Variants in PLCB1 observed in about 807,000 individuals in gnomAD.
The protein encoded by PLCB1 is phospholipase C beta 1, also known as 1-phosphatidylinositol 4,5-bisphosphate phosphodiesterase beta-1.
In PLCB1, 46 loss-of-function variants were observed where a neutral mutation model predicts 161.8. That is an observed-to-expected ratio of 0.28 (90% CI 0.22 to 0.36). The LOEUF is 0.36. PLCB1 is among the 10% of genes least tolerant of loss of function. The pLI is 1.00. For missense variants in PLCB1, 1,016 were observed against 1,472.5 expected (o/e 0.69, Z 5.07); for synonymous variants, 517 against 503.7 (o/e 1.03, Z -0.35).
At chr20:8,360,880 G>GA (rs1380697760) in intron 2 of PLCB1, among the ~76,000 whole-genome samples, 3 of 151,790 alleles carry the variant, frequency 2.0e-5, no homozygotes, top group Admixed American at 6.6e-5. Context: ...ACCTTTGGCA[G>GA]AAAAAAAATT....
chr20:8,684,506 A>G (rs1020433526), intron 9 of PLCB1, among the ~76,000 whole-genome samples: 2 of 150,730 alleles, frequency 1.3e-5, no homozygotes, highest in Non-Finnish European at 3.0e-5. Flanking sequence ...CACACGCCTC[A>G]GCCTCCCAAA....
intron 3 of PLCB1, among the ~76,000 whole-genome samples, chr20:8,375,277 T>C (rs910938334): frequency 2.6e-5 from 4 of 152,180 alleles, no homozygotes; most frequent in Non-Finnish European, 4.4e-5. Flanking sequence ...CAAGATGCTG[T>C]GGTATATATA....
chr20:8,832,707 C>T (rs1366820187), intron 31 of PLCB1, among the ~76,000 whole-genome samples: 1 of 152,184 alleles, frequency 6.6e-6, no homozygotes, highest in African/African-American at 2.4e-5. Flanking sequence ...CAGGTGACTC[C>T]CTTGTCTAAA....
intron 3 of PLCB1, among the ~76,000 whole-genome samples, chr20:8,422,799 C>CA (rs997922754): frequency 1.4e-4 from 21 of 152,142 alleles, no homozygotes; most frequent in Non-Finnish European, 2.4e-4. Flanking sequence ...ATCCAGATGG[C>CA]AGAGGGGGCT....
intron 3 of PLCB1, among the ~76,000 whole-genome samples, chr20:8,435,793 C>T (rs983646574): frequency 5.3e-5 from 8 of 152,116 alleles, no homozygotes; most frequent in African/African-American, 9.7e-5. Flanking sequence ...ATCCCATTTC[C>T]GTTACCAGAT....
At position 8,765,283 on chromosome 20, in the gene PLCB1, A is replaced by G. The variant is rs1018265609; in HGVS notation, c.2855A>G (p.Tyr952Cys). The change falls in exon 26 of 32, where the codon TAT becomes TGT. Residue 952 changes from tyrosine to cysteine, a missense_variant. Physicochemically the swap from Tyr to Cys is radical, Grantham distance 194 (BLOSUM62 -2). Coordinates refer to ENST00000338037, the MANE Select transcript of PLCB1 (RefSeq NM_015192.4). ...CTTATCAAAGAACACACTACCAAGT[A>G]TAATGAAATTCAGAATGACTACTTG... The part of the protein sequence containing the change: ...TDLIKEHTTK[Y>C]NEIQNDYLRR... The G allele has an allele frequency of 6.2e-7, 1 of 1,614,186 alleles. No individual in the cohort carries two copies. The highest frequency in any genetic ancestry group is 8.5e-7 in the Non-Finnish European group (1 of 1,179,996).
intron 23 of PLCB1, among the ~76,000 whole-genome samples, chr20:8,749,965 T>TA (rs200771810): frequency 2.7e-4 from 41 of 152,080 alleles, no homozygotes; most frequent in Middle Eastern, 3.4e-3. Context: ...ATTTTTTTTT[T>TA]AAAAAAACCC....
At chr20:8,715,128 A>G (rs1180314573) in intron 12 of PLCB1, among the ~76,000 whole-genome samples, 1 of 152,232 alleles carries the variant, frequency 6.6e-6, no homozygotes. Context: ...ATGTAGAGAT[A>G]ACTATTGGAA....
At chr20:8,497,415 A>G (rs548705235) in intron 3 of PLCB1, among the ~76,000 whole-genome samples, 5 of 152,330 alleles carry the variant, frequency 3.3e-5, no homozygotes, top group Admixed American at 1.3e-4. Context: ...AACTCATAAG[A>G]TGATATTTTC....
At chr20:8,207,466 C>T (rs1481783241) in intron 2 of PLCB1, among the ~76,000 whole-genome samples, 1 of 152,036 alleles carries the variant, frequency 6.6e-6, no homozygotes, top group Admixed American at 6.6e-5. Context: ...GTGCTGGACC[C>T]AGGTGGGTAC....
At chr20:8,186,503 C>T (rs1257515647) in intron 2 of PLCB1, among the ~76,000 whole-genome samples, 1 of 151,992 alleles carries the variant, frequency 6.6e-6, no homozygotes, top group Non-Finnish European at 1.5e-5. Flanking sequence ...TGACATAAGC[C>T]TTGTAGAGAA....
At chr20:8,164,649 T>C (rs2051658128) in intron 2 of PLCB1, among the ~76,000 whole-genome samples, 1 of 152,192 alleles carries the variant, frequency 6.6e-6, no homozygotes, top group Non-Finnish European at 1.5e-5. Flanking sequence ...GAAAGAAACT[T>C]TCCTTCTTTT....
At chr20:8,677,586 G>A (rs1384784472) in intron 9 of PLCB1, among the ~76,000 whole-genome samples, 1 of 152,060 alleles carries the variant, frequency 6.6e-6, no homozygotes, top group Non-Finnish European at 1.5e-5. Context: ...GAAATTTTAA[G>A]AAACGGGGAC....
intron 3 of PLCB1, among the ~76,000 whole-genome samples, chr20:8,601,649 G>T (rs1987589829): frequency 6.7e-6 from 1 of 148,282 alleles, no homozygotes; most frequent in South Asian, 2.2e-4. Context: ...GGAAGTGGAA[G>T]AGTTGAGTGA....
rs1296941275 is a variant in PLCB1 at position 8,662,472 on chromosome 20, T to C, written c.862+3768T>C. On this transcript the variant is annotated intron_variant, in intron 9 of 31. Coordinates refer to ENST00000338037, the MANE Select transcript of PLCB1 (RefSeq NM_015192.4). ...TGTATAATTATTATATAATTATGTA[T>C]AATATATATATAATTTTTTATTATA... Among the ~76,000 whole-genome samples, 4 of 137,658 alleles carry C rather than the reference T, an allele frequency of 2.9e-5. No homozygotes were observed. The Admixed American group carries it at 3.1e-4, about 11-fold the overall frequency. 90.3% of individuals were successfully genotyped at this position (137,658 alleles called of 152,430 possible).
intron 26 of PLCB1, among the ~76,000 whole-genome samples, chr20:8,766,425 C>T (rs1481975790): frequency 6.6e-6 from 1 of 152,116 alleles, no homozygotes; most frequent in Non-Finnish European, 1.5e-5. Flanking sequence ...AGACTTACTC[C>T]AGGCTGAGGA....
intron 3 of PLCB1, among the ~76,000 whole-genome samples, chr20:8,415,532 TA>T (rs1274030216): frequency 6.6e-6 from 1 of 151,614 alleles, no homozygotes; most frequent in East Asian, 1.9e-4. Flanking sequence ...GTGAGTGGAG[TA>T]GGGGGAGTGA....
chr20:8,626,355 C>G (rs11087812), intron 3 of PLCB1, among the ~76,000 whole-genome samples: 4 of 151,856 alleles, frequency 2.6e-5, no homozygotes, highest in Non-Finnish European at 5.9e-5. Flanking sequence ...TTACTTGCCT[C>G]GAGTTCCTTT....
intron 3 of PLCB1, among the ~76,000 whole-genome samples, chr20:8,375,257 C>T (rs1298121797): frequency 1.3e-5 from 2 of 152,122 alleles, no homozygotes; most frequent in Non-Finnish European, 2.9e-5. Flanking sequence ...TTGTAGAGCA[C>T]ACGTAAGGGC....
Sources: allele counts gnomAD v4.1 joint callset (sites outside exome capture counted in the v4.1 genomes callset), GRCh38; gene constraint gnomAD v4.1.1; transcripts MANE v1.5; gene names NCBI Gene and HGNC (gene_info 2026-07-23, HGNC 2026-07-21).